HS3ST2: variants seen among roughly 807,000 people sequenced by gnomAD.
HS3ST2 encodes heparan sulfate glucosamine 3-O-sulfotransferase 2.
In HS3ST2, 17 loss-of-function variants were observed where a neutral mutation model predicts 26.3. The ratio of observed to expected loss-of-function variants is 0.65; its 90% confidence interval spans 0.44 to 0.97. The LOEUF is 0.97. Ranked by LOEUF, HS3ST2 falls within the 50% of genes least tolerant of loss-of-function variation. The pLI is 0.00. For synonymous variants in HS3ST2, 237 were observed against 219.2 expected (o/e 1.08, Z -0.72); for missense variants, 402 against 501.2 (o/e 0.80, Z 1.89).
At chr16:22,861,521 C>T (rs1339830109) in intron 1 of HS3ST2, among the ~76,000 whole-genome samples, 2 of 152,040 alleles carry the variant, frequency 1.3e-5, no homozygotes, top group African/African-American at 2.4e-5. Flanking sequence ...CCAGGACCAG[C>T]CTTGGCCCTC....
At chr16:22,849,706 G>A (rs1392226612) in intron 1 of HS3ST2, among the ~76,000 whole-genome samples, 1 of 152,142 alleles carries the variant, frequency 6.6e-6, no homozygotes, top group Non-Finnish European at 1.5e-5. Flanking sequence ...CTGCCTGGAG[G>A]CAGCTTCAGG....
chr16:22,885,042 T>C (rs1333052996), intron 1 of HS3ST2, among the ~76,000 whole-genome samples: 1 of 151,988 alleles, frequency 6.6e-6, no homozygotes, highest in Non-Finnish European at 1.5e-5. Flanking sequence ...GGTTTCGCCA[T>C]GTTAGCCAGG....
intron 1 of HS3ST2, among the ~76,000 whole-genome samples, chr16:22,890,892 A>G (rs1902118561): frequency 6.6e-6 from 1 of 152,202 alleles, no homozygotes; most frequent in Admixed American, 6.5e-5. Flanking sequence ...TAACCATCCA[A>G]TTCTCCGCAT....
intron 1 of HS3ST2, among the ~76,000 whole-genome samples, chr16:22,832,147 T>TG (rs1901178976): frequency 6.9e-6 from 1 of 145,760 alleles, no homozygotes; most frequent in East Asian, 2.0e-4. Flanking sequence ...CATCCCCAGC[T>TG]GATCTTTTTT....
intron 1 of HS3ST2, among the ~76,000 whole-genome samples, chr16:22,817,015 A>T (rs565125911): frequency 6.6e-6 from 1 of 152,238 alleles, no homozygotes; most frequent in East Asian, 1.9e-4. Context: ...AGCCCATGTC[A>T]TTCAGGGATG....
Position 22,915,740 on chromosome 16 carries a change from C to T in HS3ST2, c.*178C>T. 1.5e-6 allele frequency: 1 copy of T among 654,722 alleles called. No homozygotes were observed. The highest frequency in any genetic ancestry group is 2.6e-6 in the Non-Finnish European group (1 of 380,146). 40.6% of individuals were successfully genotyped at this position (654,722 alleles called of 1,614,324 possible). A position where few individuals can be genotyped will look rare whatever the true frequency, so the allele number is the denominator to read the frequency against. Reference sequence around the variant, plus strand: ...AAGCCAAGAGACCAGAGAGTCCCTGCCACTAGTTTTCATCAGTCTGTTCAA... The same window carrying T: ...AAGCCAAGAGACCAGAGAGTCCCTGTCACTAGTTTTCATCAGTCTGTTCAA... On this transcript the variant is annotated 3_prime_UTR_variant, in exon 2 of 2. Transcript: ENST00000261374.
chr16:22,910,576 T>A (rs879163666), intron 1 of HS3ST2, among the ~76,000 whole-genome samples: 4 of 152,352 alleles, frequency 2.6e-5, no homozygotes, highest in South Asian at 2.1e-4. Context: ...CTACTTTTTT[T>A]AATTAGTTCT....
chr16:22,914,736 CAAAAAAAAAAAAA>C (rs1159639879), intron 1 of HS3ST2, among the ~76,000 whole-genome samples, 195 bp from the exon 2 acceptor site: 5 of 35,944 alleles, frequency 1.4e-4, no homozygotes, highest in Admixed American at 1.3e-3. Context: ...GACCTTGTCT[CAAAAAAAAAAAAA>C]AAAAAAAAAA....
intron 1 of HS3ST2, among the ~76,000 whole-genome samples, chr16:22,850,383 A>C (rs1424401630): frequency 6.6e-6 from 1 of 152,210 alleles, no homozygotes; most frequent in Non-Finnish European, 1.5e-5. Context: ...CCATTGCTCC[A>C]GTTATCTATT....
intron 1 of HS3ST2, among the ~76,000 whole-genome samples, chr16:22,888,547 T>C (rs2283535): frequency 0.1 from 15,150 of 151,992 alleles, 1,470 homozygotes; most frequent in East Asian, 0.33. Flanking sequence ...TCACCACACC[T>C]GGTTAATTTT....
At chr16:22,886,783 A>G (rs1305677986) in intron 1 of HS3ST2, among the ~76,000 whole-genome samples, 4 of 151,226 alleles carry the variant, frequency 2.6e-5, no homozygotes, top group African/African-American at 7.3e-5. Context: ...TTTTTTTAAG[A>G]GAGGATCTTG....
chr16:22,888,703 A>T (rs1295799342), intron 1 of HS3ST2, among the ~76,000 whole-genome samples: 1 of 152,108 alleles, frequency 6.6e-6, no homozygotes, highest in African/African-American at 2.4e-5. Context: ...GGCTTTTCTT[A>T]GCATTAGACA....
intron 1 of HS3ST2, among the ~76,000 whole-genome samples, chr16:22,840,890 T>G (rs1901342520): frequency 6.6e-6 from 1 of 152,150 alleles, no homozygotes; most frequent in South Asian, 2.1e-4. Flanking sequence ...TGTATACATG[T>G]GCCATGTTGG....
chr16:22,895,214 C>G (rs544020544), intron 1 of HS3ST2, among the ~76,000 whole-genome samples: 1 of 151,940 alleles, frequency 6.6e-6, no homozygotes, highest in Non-Finnish European at 1.5e-5. Context: ...CTCAGCCTCC[C>G]GAGTAGCTGG....
At chr16:22,908,150 T>C (rs1005291075) in intron 1 of HS3ST2, among the ~76,000 whole-genome samples, 1 of 151,996 alleles carries the variant, frequency 6.6e-6, no homozygotes, top group Non-Finnish European at 1.5e-5. Context: ...CAAACCAGCA[T>C]GAGAGAAGTG....
In HS3ST2 at chr16:22,902,990, C is replaced by T. The variant is rs148311245; in HGVS notation, c.486-11954C>T. On this transcript the variant is annotated intron_variant, in intron 1 of 1. Transcript: ENST00000261374. ...CTTTGTGTTTATAGTGTAGGTGCTG[C>T]AGATATTTTTCCAATTAGTCATTTT... 4.7e-3 allele frequency among the ~76,000 whole-genome samples: 714 copies of T among 152,220 alleles called. 7 individuals are homozygous for T. The highest frequency in any genetic ancestry group is 0.016 in the African/African-American group (659 of 41,538).
intron 1 of HS3ST2, among the ~76,000 whole-genome samples, chr16:22,882,275 T>C (rs958446466): frequency 2.0e-5 from 3 of 151,914 alleles, no homozygotes; most frequent in African/African-American, 7.3e-5. Context: ...GTTGGGAGGG[T>C]CAATTGAGCC....
chr16:22,855,371 C>T (rs1901575159), intron 1 of HS3ST2, among the ~76,000 whole-genome samples: 2 of 152,138 alleles, frequency 1.3e-5, no homozygotes, highest in South Asian at 2.1e-4. Context: ...ATAATCCCAG[C>T]CCTGGCTTGT....
In HS3ST2 at chr16:22,835,485, G is replaced by A. The variant is rs114003455; in HGVS notation, c.485+20390G>A. 3.0e-3 allele frequency among the ~76,000 whole-genome samples: 462 copies of A among 152,090 alleles called. 3 individuals are homozygous for A. Among genetic ancestry groups the A allele is most frequent in the African/African-American group, 0.011 (438 of 41,488 alleles). ...ATGCTTATCAAAACAACAATAACAC[G>A]TCTACATAGTTTAAACAGGTAAATC... On this transcript the variant is annotated intron_variant, in intron 1 of 1. Coordinates refer to ENST00000261374, the MANE Select transcript of HS3ST2 (RefSeq NM_006043.2).
Sources: allele counts gnomAD v4.1 joint callset (sites outside exome capture counted in the v4.1 genomes callset), GRCh38; gene constraint gnomAD v4.1.1; transcripts MANE v1.5; gene names NCBI Gene and HGNC (gene_info 2026-07-23, HGNC 2026-07-21).